Variants in LRRC4C observed in about 807,000 individuals in gnomAD.
LRRC4C encodes the protein leucine-rich repeat-containing protein 4C.
LRRC4C carries 5 observed loss-of-function variants against 33.6 expected under a neutral mutation model. The observed-to-expected ratio is 0.15, with a 90% confidence interval of 0.08 to 0.31. The LOEUF (loss-of-function observed/expected upper bound fraction) is 0.31, where lower values mean the gene tolerates loss of function less well. LRRC4C is among the 10% of genes least tolerant of loss of function. The pLI is 1.00. For synonymous variants in LRRC4C, 329 were observed against 302.0 expected (o/e 1.09, Z -0.93); for missense variants, 560 against 796.7 (o/e 0.70, Z 3.58).
intron 3 of LRRC4C, among the ~76,000 whole-genome samples, chr11:40,426,978 T>C (rs760242912): frequency 6.6e-6 from 1 of 152,184 alleles, no homozygotes; most frequent in Non-Finnish European, 1.5e-5. Context: ...GGTGAATTGG[T>C]TTCTGTACTG....
chr11:40,757,852 T>C (rs1949026686), intron 2 of LRRC4C, among the ~76,000 whole-genome samples: 2 of 152,046 alleles, frequency 1.3e-5, no homozygotes, highest in African/African-American at 4.8e-5. Flanking sequence ...ACTCTGGGTG[T>C]TACATTCTAG....
At position 40,276,674 on chromosome 11, in the gene LRRC4C, A is replaced by AGTGTGTGTGT. The variant is rs56155922; in HGVS notation, c.-175-35086_-175-35077dup. ...CCCGGAGATAAATTGGTGGGAAACA[A>AGTGTGTGTGT]GTGTGTGTGTGTGTGTGTGTGTGTG... On this transcript the variant is annotated intron_variant, in intron 4 of 6. Transcript: ENST00000528697. 2.2e-3 allele frequency among the ~76,000 whole-genome samples: 280 copies of AGTGTGTGTGT among 127,638 alleles called. 3 individuals carry two copies. The highest frequency in any genetic ancestry group is 4.2e-3 in the African/African-American group (141 of 33,614). 83.7% of individuals were successfully genotyped at this position (127,638 alleles called of 152,430 possible).
chr11:40,595,849 G>A (rs937699589), intron 3 of LRRC4C, among the ~76,000 whole-genome samples: 1 of 152,112 alleles, frequency 6.6e-6, no homozygotes, highest in Non-Finnish European at 1.5e-5. Context: ...GAGAAGAAAA[G>A]CATATTTCTC....
chr11:41,105,042 A>G (rs1328609206), intron 1 of LRRC4C, among the ~76,000 whole-genome samples: 1 of 151,982 alleles, frequency 6.6e-6, no homozygotes, highest in Non-Finnish European at 1.5e-5. Flanking sequence ...ACTAAAAATC[A>G]TTGAACCACA....
chr11:40,655,494 G>T (rs1943055480), intron 2 of LRRC4C, among the ~76,000 whole-genome samples: 1 of 152,090 alleles, frequency 6.6e-6, no homozygotes, highest in Non-Finnish European at 1.5e-5. Flanking sequence ...ATAATATTGG[G>T]TTCACATAAC....
At chr11:40,216,847 G>A (rs1205187580) in intron 5 of LRRC4C, among the ~76,000 whole-genome samples, 2 of 152,126 alleles carry the variant, frequency 1.3e-5, no homozygotes, top group Non-Finnish European at 2.9e-5. Context: ...ATTCAGGGAT[G>A]GACAGCAAAA....
At chr11:40,214,207 ACTTATGTAAATCCTGTC>A (rs1863811109) in intron 5 of LRRC4C, among the ~76,000 whole-genome samples, 1 of 152,156 alleles carries the variant, frequency 6.6e-6, no homozygotes, top group Non-Finnish European at 1.5e-5. Context: ...AAGAGCATGT[ACTTATGTAAATCCTGTC>A]CTTATGGCAA....
intron 2 of LRRC4C, among the ~76,000 whole-genome samples, chr11:40,669,439 T>C (rs1447747970): frequency 6.6e-6 from 1 of 152,232 alleles, no homozygotes; most frequent in East Asian, 1.9e-4. Context: ...CGGGAACCCA[T>C]AGACAGCTGA....
intron 2 of LRRC4C, among the ~76,000 whole-genome samples, chr11:40,862,264 T>A (rs1954142257): frequency 6.6e-6 from 1 of 152,162 alleles, no homozygotes; most frequent in South Asian, 2.1e-4. Context: ...TGAAGTTTTT[T>A]CTTGCTGTTA....
rs1855359897 is a variant in LRRC4C, at chr11:40,115,475, T to C, written c.818A>G (p.Asn273Ser). Residue 273 changes from asparagine to serine, a missense_variant, in exon 7 of 7, where the codon AAC becomes AGC. By Grantham distance (46) the Asn-to-Ser change is conservative. Transcript: ENST00000528697. This position sits in a 1 kb window ranked among gnomAD's most constrained non-coding sequence, Gnocchi z 6.7. ...TAATGTTAGATTATTGTGTGCCAGGTTGATCTCCACTAGTGACTGAAGGTT... is the reference window on the plus strand; with the variant it reads ...TAATGTTAGATTATTGTGTGCCAGGCTGATCTCCACTAGTGACTGAAGGTT... ...FDNLQSLVEI[N>S]LAHNNLTLLP... is the part of the protein sequence containing the mutation. 4 of 1,614,218 alleles carry C rather than the reference T, an allele frequency of 2.5e-6. No homozygotes were observed. The highest frequency in any genetic ancestry group is 2.5e-6 in the Non-Finnish European group (3 of 1,180,038).
chr11:40,226,631 A>G lies in LRRC4C; in HGVS notation c.-96+14888T>C, dbSNP rs529714454. Among the ~76,000 whole-genome samples the G allele has an allele frequency of 7.9e-5, 12 of 152,298 alleles. No individual in the cohort carries two copies. The South Asian group carries it at 2.5e-3, about 32-fold the overall frequency. On this transcript the variant is annotated intron_variant, in intron 5 of 6. Transcript: ENST00000528697. ...AATCTAGAACATCAATAGTGAGGCC[A>G]TCTTACATGTTGCACAGAGCACTGG...
At chr11:40,663,421 T>A (rs1297695830) in intron 2 of LRRC4C, among the ~76,000 whole-genome samples, 1 of 152,154 alleles carries the variant, frequency 6.6e-6, no homozygotes, top group Non-Finnish European at 1.5e-5. Context: ...TTTTGGTAAT[T>A]AATTGTGGTT....
intron 2 of LRRC4C, among the ~76,000 whole-genome samples, chr11:40,728,127 C>T (rs577217769): frequency 2.0e-5 from 3 of 151,792 alleles, no homozygotes; most frequent in Non-Finnish European, 4.4e-5. Flanking sequence ...GCATGGCTAT[C>T]ATTAAAAAGT....
intron 3 of LRRC4C, among the ~76,000 whole-genome samples, chr11:40,568,619 TG>T (rs141662540): frequency 0.015 from 2,334 of 152,262 alleles, 66 homozygotes; most frequent in African/African-American, 0.054. Flanking sequence ...GGGACTTGAT[TG>T]ATATGAGCAG....
intron 6 of LRRC4C, among the ~76,000 whole-genome samples, chr11:40,131,555 C>G (rs1856644476): frequency 6.6e-6 from 1 of 152,110 alleles, no homozygotes; most frequent in East Asian, 1.9e-4. Flanking sequence ...GCTGCTTACA[C>G]AACTAAGCAG....
At chr11:40,514,532 A>T (rs1238394384) in intron 3 of LRRC4C, among the ~76,000 whole-genome samples, 2 of 152,208 alleles carry the variant, frequency 1.3e-5, no homozygotes, top group African/African-American at 2.4e-5. Flanking sequence ...AGTAACGGGC[A>T]TGTAGTCAGT....
At chr11:40,823,971 T>C (rs1376676992) in intron 2 of LRRC4C, among the ~76,000 whole-genome samples, 1 of 151,878 alleles carries the variant, frequency 6.6e-6, no homozygotes, top group Non-Finnish European at 1.5e-5. Context: ...TAGAAACAAA[T>C]GGATTACTGA....
At chr11:40,920,908 G>T (rs537950033) in intron 2 of LRRC4C, among the ~76,000 whole-genome samples, 1 of 142,394 alleles carries the variant, frequency 7.0e-6, no homozygotes, top group Non-Finnish European at 1.5e-5. Context: ...ATCCAGGTGC[G>T]CCCAACATAA....
In LRRC4C at chr11:41,351,929, C is replaced by T. The variant is rs190539142; in HGVS notation, c.-496+107502G>A. ...ACTTGACACCACAATAAATACACTTCGGTACATAGATGACTGACACTAAAA... is the reference window on the plus strand; with the variant it reads ...ACTTGACACCACAATAAATACACTTTGGTACATAGATGACTGACACTAAAA... On this transcript the variant is annotated intron_variant, in intron 1 of 6. Transcript: ENST00000528697. Among the ~76,000 whole-genome samples, 11 of 152,212 alleles carry T rather than the reference C, an allele frequency of 7.2e-5. No individual in the cohort carries two copies. The East Asian group carries it at 1.9e-3, about 27-fold the overall frequency.
Sources: gnomAD v4.1 joint callset for allele counts (sites outside exome capture counted in the v4.1 genomes callset) on GRCh38, gnomAD v4.1.1 for gene constraint, Gnocchi (gnomAD v3.1) non-coding constraint, MANE v1.5 for transcripts, NCBI Gene and HGNC (gene_info 2026-07-23, HGNC 2026-07-21) for gene names.